CATSPER4: variants seen among roughly 807,000 people sequenced by gnomAD.
CATSPER4 encodes cation channel sperm-associated protein 4.
Under a neutral mutation model 54.4 loss-of-function variants are expected in CATSPER4, and 46 were observed. The ratio of observed to expected loss-of-function variants is 0.84; its 90% confidence interval spans 0.67 to 1.08. CATSPER4 has a LOEUF of 1.08. Ranked by LOEUF, CATSPER4 falls within the 50% of genes least tolerant of loss-of-function variation. CATSPER4 has a pLI of 0.00. For synonymous variants in CATSPER4, 230 were observed against 231.9 expected (o/e 0.99, Z 0.08); for missense variants, 574 against 612.8 (o/e 0.94, Z 0.67).
At chr1:26,199,449 A>T (rs78422472) in intron 6 of CATSPER4, among the ~76,000 whole-genome samples, 1 of 142,988 alleles carries the variant, frequency 7.0e-6, no homozygotes, top group Non-Finnish European at 1.5e-5. Flanking sequence ...AAAAAAAAAA[A>T]TTAGCCAGGC....
chr1:26,199,778 G>C (rs2088984816), intron 6 of CATSPER4, 106 bp from the exon 7 acceptor site: 2 of 1,247,532 alleles, frequency 1.6e-6, no homozygotes, highest in African/African-American at 1.5e-5. Context: ...CAGTGACACA[G>C]GCAGAAGTTC....
At chr1:26,191,534 G>T in intron 2 of CATSPER4, 104 bp downstream of exon 2, 1 of 1,355,042 alleles carries the variant, frequency 7.4e-7, no homozygotes. Context: ...GGTTGGATTG[G>T]ATGCTCTTCA....
At chr1:26,195,511 T>TC (rs909834168) in intron 3 of CATSPER4, among the ~76,000 whole-genome samples, 1 of 150,518 alleles carries the variant, frequency 6.6e-6, no homozygotes, top group African/African-American at 2.4e-5. Context: ...TTTTTCTTTT[T>TC]TTTTTTTGAG....
chr1:26,196,482 G>A (rs1046740386), intron 3 of CATSPER4, among the ~76,000 whole-genome samples: 5 of 133,144 alleles, frequency 3.8e-5, no homozygotes, highest in Admixed American at 2.8e-4. Flanking sequence ...CACCCATTTC[G>A]GCTCACTGCA....
chr1:26,191,183 C>A, intron 1 of CATSPER4, 104 bp from the exon 2 acceptor site: 5 of 1,344,378 alleles, frequency 3.7e-6, no homozygotes, highest in Non-Finnish European at 5.2e-6. Flanking sequence ...TGATTTCCCC[C>A]CTCTAGAGTG....
chr1:26,201,464 T>C lies in CATSPER4; in HGVS notation c.1310T>C (p.Ile437Thr), dbSNP rs1161815765. ...GSLETTSSKD[I>T]RQMSQQQDLL... ...TTGGAGACTACGTCATCCAAGGACA[T>C]CCGCCAGATGTCTCAACAGCAAGAC... is the stretch of plus-strand genomic sequence containing the variant. Residue 437 changes from isoleucine to threonine, a missense_variant, in exon 9 of 10, where the codon ATC (isoleucine) becomes ACC (threonine). Coordinates refer to ENST00000456354, the MANE Select transcript of CATSPER4 (RefSeq NM_198137.2). 6.2e-7 allele frequency: 1 copy of C among 1,613,578 alleles called. No homozygotes were observed. The highest frequency in any genetic ancestry group is 8.5e-7 in the Non-Finnish European group (1 of 1,179,802).
rs1409761640 is a variant in CATSPER4, at chr1:26,202,479, T to G, written c.1366-10T>G. ...GTGGGGGATTAACAAGAAGACCTCT[T>G]GGTTTGCAGGTTCATGACTCTAGCT... On this transcript the variant is annotated splice_polypyrimidine_tract_variant and intron_variant, in intron 9 of 9. Coordinates refer to ENST00000456354, the MANE Select transcript of CATSPER4 (RefSeq NM_198137.2). The G allele has an allele frequency of 6.2e-7, 1 of 1,610,678 alleles. No homozygotes were observed. Among genetic ancestry groups the G allele is most frequent in the African/African-American group, 1.3e-5 (1 of 74,824 alleles).
intron 9 of CATSPER4, among the ~76,000 whole-genome samples, chr1:26,201,940 T>C (rs866333415): frequency 6.6e-6 from 1 of 151,986 alleles, no homozygotes; most frequent in Admixed American, 6.6e-5. Flanking sequence ...CCACCCTCCT[T>C]GGCCTCCCAA....
chr1:26,194,599 C>G (rs1225105401), intron 3 of CATSPER4, among the ~76,000 whole-genome samples: 1 of 152,068 alleles, frequency 6.6e-6, no homozygotes, highest in Non-Finnish European at 1.5e-5. Context: ...GGCAGGCATC[C>G]TATATTCTCA....
In CATSPER4 at chr1:26,193,827, T is replaced by C. The variant is rs2124523867; in HGVS notation, c.398T>C (p.Leu133Pro). 3 of 1,614,150 alleles carry C rather than the reference T, an allele frequency of 1.9e-6. No individual in the cohort carries two copies. The highest frequency in any genetic ancestry group is 2.5e-6 in the Non-Finnish European group (3 of 1,179,962). The change falls in exon 3 of 10, where the codon CTG becomes CCG. Residue 133 changes from leucine to proline, a missense_variant. Coordinates refer to ENST00000456354, the MANE Select transcript of CATSPER4 (RefSeq NM_198137.2). ...ELFSTIDDIVLTILLCEVLLG... is the reference protein window; with the variant it reads ...ELFSTIDDIVPTILLCEVLLG... ...TTCTCTACCATAGATGACATTGTGC[T>C]GACCATCCTTCTTTGTGAGGTTCTC...
At chr1:26,191,196 C>T (rs932940836) in intron 1 of CATSPER4, 91 bp from the exon 2 acceptor site, 8 of 1,489,248 alleles carry the variant, frequency 5.4e-6, no homozygotes, top group African/African-American at 2.8e-5. Context: ...CTAGAGTGGG[C>T]CCCAGGAACC....
At chr1:26,191,525 G>A in intron 2 of CATSPER4, 95 bp downstream of exon 2, 1 of 1,414,632 alleles carries the variant, frequency 7.1e-7, no homozygotes, top group Non-Finnish European at 9.8e-7. Context: ...GTCTATGATG[G>A]TTGGATTGGA....
At chr1:26,198,670 AC>A (rs2088972198) in intron 6 of CATSPER4, among the ~76,000 whole-genome samples, 2 of 152,234 alleles carry the variant, frequency 1.3e-5, no homozygotes, top group Middle Eastern at 6.8e-3. Context: ...CATCATGCTA[AC>A]CAGCTGGGTA....
At chr1:26,192,532 G>A (rs918039191) in intron 2 of CATSPER4, among the ~76,000 whole-genome samples, 3 of 151,614 alleles carry the variant, frequency 2.0e-5, no homozygotes, top group Non-Finnish European at 4.4e-5. Context: ...GGAGGTTGCG[G>A]TGAGCCGAGT....
Position 26,201,538 on chromosome 1 carries a change from A to C in CATSPER4, c.1365+19A>C, listed in dbSNP as rs747729033. ...GGAAAAGGTGTGCCTTCCTTCTCCT[A>C]CCCAATGGGTACTCGCCCTGACACT... On this transcript the variant is annotated intron_variant, in intron 9 of 9. Transcript: ENST00000456354. 1 of 1,613,240 alleles carries C rather than the reference A, an allele frequency of 6.2e-7. No individual in the cohort carries two copies. Among genetic ancestry groups the C allele is most frequent in the South Asian group, 1.1e-5 (1 of 90,996 alleles).
chr1:26,193,782 T>C lies in CATSPER4; in HGVS notation c.358-5T>C, dbSNP rs368414018. ...GCCCCTCTTTTTTCTCTGTCTCCCA[T>C]GTAGAAACACTATGAGTTGTTCTCT... On this transcript the variant is annotated splice_region_variant and splice_polypyrimidine_tract_variant and intron_variant, in intron 2 of 9. Coordinates refer to ENST00000456354, the MANE Select transcript of CATSPER4 (RefSeq NM_198137.2). 178 of 1,600,856 alleles carry C rather than the reference T, an allele frequency of 1.1e-4. No homozygotes were observed. Among genetic ancestry groups the C allele is most frequent in the African/African-American group, 4.0e-4 (30 of 74,834 alleles).
chr1:26,202,421 A>G (rs1569914002), intron 9 of CATSPER4, 68 bp from the exon 10 acceptor site: 2 of 1,373,396 alleles, frequency 1.5e-6, no homozygotes, highest in South Asian at 2.4e-5. Flanking sequence ...AGACTGGAGG[A>G]GGTGAGTAAC....
intron 6 of CATSPER4, 70 bp from the exon 7 acceptor site, chr1:26,199,814 A>T (rs1259310690): frequency 9.6e-6 from 15 of 1,569,474 alleles, no homozygotes; most frequent in Non-Finnish European, 1.3e-5. Context: ...TGATTTTCCC[A>T]TTTCAATGAC....
Position 26,199,598 on chromosome 1 carries a change from C to CAAAAAAAAAAAAAAA in CATSPER4, c.813-273_813-272insAAAAAAAAAAAAAAA, listed in dbSNP as rs561742837. Among the ~76,000 whole-genome samples, 444 of 113,708 alleles carry CAAAAAAAAAAAAAAA rather than the reference C, an allele frequency of 3.9e-3. 13 individuals carry two copies. Among genetic ancestry groups the CAAAAAAAAAAAAAAA allele is most frequent in the African/African-American group, 0.012 (355 of 29,246 alleles). The allele number at this position is 113,708 out of a possible 152,430, so 74.6% of individuals were successfully genotyped here. On this transcript the variant is annotated intron_variant, in intron 6 of 9. Coordinates refer to ENST00000456354, the MANE Select transcript of CATSPER4 (RefSeq NM_198137.2). ...TGGGCAACACAGCGAGACTCCATCT[C>CAAAAAAAAAAAAAAA]AAAAAAAAAAAAAGGAGTGTAGCTA...
Sources: allele counts gnomAD v4.1 joint callset (sites outside exome capture counted in the v4.1 genomes callset), GRCh38; gene constraint gnomAD v4.1.1; transcripts MANE v1.5; gene names NCBI Gene and HGNC (gene_info 2026-07-23, HGNC 2026-07-21).